Variants in BCKDHB observed in about 807,000 individuals in gnomAD.
The protein encoded by BCKDHB is branched chain keto acid dehydrogenase E1 subunit beta.
BCKDHB carries 41 observed loss-of-function variants against 48.5 expected under a neutral mutation model. The ratio of observed to expected loss-of-function variants is 0.85; its 90% CI spans 0.66 to 1.10. BCKDHB has a LOEUF of 1.10. Among genes scored for constraint, BCKDHB ranks in the 50% least tolerant of loss-of-function variants. BCKDHB has a pLI of 0.00. For missense variants in BCKDHB, 496 were observed against 494.2 expected (o/e 1.00, Z -0.03); for synonymous variants, 201 against 174.8 (o/e 1.15, Z -1.18).
intron 9 of BCKDHB, among the ~76,000 whole-genome samples, chr6:80,278,453 GTT>G (rs1241696539): frequency 7.2e-5 from 11 of 152,298 alleles, no homozygotes; most frequent in African/African-American, 2.6e-4. Flanking sequence ...ACTGTTTGTA[GTT>G]AAATCCATGT....
the BCKDHB span, among the ~76,000 whole-genome samples, chr6:80,415,268 T>A: frequency 1.3e-5 from 2 of 152,150 alleles, no homozygotes. Context: ...TTCTTTTGCC[T>A]GATTGTCCTA....
At chr6:80,379,459 A>G in the BCKDHB span, among the ~76,000 whole-genome samples, 1 of 152,046 alleles carries the variant, frequency 6.6e-6, no homozygotes, top group Non-Finnish European at 1.5e-5. Context: ...AAATAATAAG[A>G]GCCATATATG....
At chr6:80,371,230 C>T in the BCKDHB span, among the ~76,000 whole-genome samples, 3 of 152,056 alleles carry the variant, frequency 2.0e-5, no homozygotes, top group African/African-American at 7.2e-5. Flanking sequence ...ATGCATTTAC[C>T]TGATCATTAG....
intron 1 of BCKDHB, among the ~76,000 whole-genome samples, chr6:80,120,786 C>T (rs572881194): frequency 1.2e-4 from 18 of 152,150 alleles, no homozygotes; most frequent in East Asian, 5.8e-4. Flanking sequence ...GGGTAGATTG[C>T]GAAAATTTTC....
At chr6:80,220,155 C>T (rs1775349800) in intron 8 of BCKDHB, among the ~76,000 whole-genome samples, 1 of 151,434 alleles carries the variant, frequency 6.6e-6, no homozygotes, top group Admixed American at 6.6e-5. Context: ...TTCTGTTTCT[C>T]ATTTCTTCTC....
the BCKDHB span, among the ~76,000 whole-genome samples, chr6:80,358,318 T>C: frequency 6.6e-6 from 1 of 152,174 alleles, no homozygotes; most frequent in East Asian, 1.9e-4. Flanking sequence ...GATACACATA[T>C]GGGTGTGCAT....
At chr6:80,244,802 C>G (rs1562170190) in intron 8 of BCKDHB, among the ~76,000 whole-genome samples, 1 of 152,090 alleles carries the variant, frequency 6.6e-6, no homozygotes, top group Non-Finnish European at 1.5e-5. Context: ...ATGACTGTAA[C>G]AAAACAAATT....
At chr6:80,114,531 G>C (rs2127710618) in intron 1 of BCKDHB, among the ~76,000 whole-genome samples, 1 of 152,238 alleles carries the variant, frequency 6.6e-6, no homozygotes, top group South Asian at 2.1e-4. Flanking sequence ...TAAAAGGCAT[G>C]AGCCACCACG....
At chr6:80,233,726 A>T (rs181441198) in intron 8 of BCKDHB, among the ~76,000 whole-genome samples, 2 of 152,354 alleles carry the variant, frequency 1.3e-5, no homozygotes, top group African/African-American at 4.8e-5. Flanking sequence ...TCAATTTGTT[A>T]GACTGAGTAC....
chr6:80,456,378 C>T, the BCKDHB span, among the ~76,000 whole-genome samples: 1 of 152,106 alleles, frequency 6.6e-6, no homozygotes, highest in Non-Finnish European at 1.5e-5. Context: ...GAGGCTGTGG[C>T]TCTGACAAAG....
In BCKDHB at chr6:80,120,455, T is replaced by C. The variant is rs530163305; in HGVS notation, c.197-7092T>C. On this transcript the variant is annotated intron_variant, in intron 1 of 9. Transcript: ENST00000320393. Reference sequence around the variant, plus strand: ...TCTCCACACTGTTTTCCACAATGGTTGAACCAATTTACACTCCCACCAAGA... The same window carrying C: ...TCTCCACACTGTTTTCCACAATGGTCGAACCAATTTACACTCCCACCAAGA... 2.0e-5 allele frequency among the ~76,000 whole-genome samples: 3 copies of C among 152,356 alleles called. No homozygotes were observed. The East Asian group carries it at 5.8e-4, about 29-fold the overall frequency.
At chr6:80,159,764 A>G (rs1305586998) in intron 3 of BCKDHB, among the ~76,000 whole-genome samples, 1 of 152,022 alleles carries the variant, frequency 6.6e-6, no homozygotes, top group East Asian at 1.9e-4. Flanking sequence ...AATGACTTTT[A>G]TTTCCCTGGT....
chr6:80,460,935 C>A, the BCKDHB span, among the ~76,000 whole-genome samples: 27 of 152,224 alleles, frequency 1.8e-4, no homozygotes, highest in African/African-American at 6.5e-4. Context: ...TCCTCACTCT[C>A]AAAGAGATTC....
chr6:80,339,718 T>G (rs1769794870), intron 9 of BCKDHB, among the ~76,000 whole-genome samples: 1 of 152,190 alleles, frequency 6.6e-6, no homozygotes, highest in South Asian at 2.1e-4. Flanking sequence ...AGCCTACACC[T>G]TTCTTTATAT....
At chr6:80,391,698 AC>A in the BCKDHB span, among the ~76,000 whole-genome samples, 88 of 152,306 alleles carry the variant, frequency 5.8e-4, no homozygotes, top group Non-Finnish European at 1.0e-3. Flanking sequence ...GATACCTAGT[AC>A]AGGTGGTGCT....
At chr6:80,181,935 A>C (rs1376224661) in intron 6 of BCKDHB, among the ~76,000 whole-genome samples, 1 of 152,216 alleles carries the variant, frequency 6.6e-6, no homozygotes, top group African/African-American at 2.4e-5. Flanking sequence ...AAAGGAACTC[A>C]TAAGTCCATC....
intron 5 of BCKDHB, chr6:80,169,791 T>A (rs1772801435): frequency 6.3e-7 from 1 of 1,597,550 alleles, no homozygotes; most frequent in Admixed American, 1.7e-5. Context: ...TCTTTTTTTC[T>A]TATTTGTTTT....
At chr6:80,272,248 C>A (rs1777777725) in intron 8 of BCKDHB, among the ~76,000 whole-genome samples, 1 of 152,032 alleles carries the variant, frequency 6.6e-6, no homozygotes, top group Non-Finnish European at 1.5e-5. Flanking sequence ...TGAATGAAAT[C>A]TTTTATTTCA....
intron 6 of BCKDHB, among the ~76,000 whole-genome samples, chr6:80,195,504 AAT>A (rs1774091152): frequency 6.6e-6 from 1 of 152,208 alleles, no homozygotes; most frequent in Non-Finnish European, 1.5e-5. Flanking sequence ...ATAGAAATCC[AAT>A]ATTAGTTTAT....
Sources: gnomAD v4.1 joint callset for allele counts (sites outside exome capture counted in the v4.1 genomes callset) on GRCh38, gnomAD v4.1.1 for gene constraint, MANE v1.5 for transcripts, NCBI Gene and HGNC (gene_info 2026-07-23, HGNC 2026-07-21) for gene names.